GPHN: variants seen among roughly 807,000 people sequenced by gnomAD.
GPHN encodes the protein gephyrin.
Under a neutral mutation model 95.5 loss-of-function variants are expected in GPHN, and 17 were observed. The ratio of observed to expected loss-of-function variants is 0.18; its 90% CI spans 0.12 to 0.27. The LOEUF is 0.27. Among genes scored for constraint, GPHN ranks in the 10% least tolerant of loss-of-function variants. The pLI is 1.00. For synonymous variants in GPHN, 320 were observed against 322.5 expected, an observed-to-expected ratio of 0.99 and a Z score of 0.08; for missense variants, 660 against 978.1, an observed-to-expected ratio of 0.67 and a Z score of 4.34.
intron 5 of GPHN, among the ~76,000 whole-genome samples, chr14:66,897,007 A>C (rs1309616618): frequency 2.6e-5 from 4 of 152,172 alleles, no homozygotes; most frequent in African/African-American, 9.6e-5. Context: ...TGAAAATTTT[A>C]TATTTATATC....
the GPHN span, chr14:67,197,165 GT>G: frequency 6.6e-6 from 1 of 152,342 alleles, no homozygotes; most frequent in Non-Finnish European, 1.5e-5. Flanking sequence ...CTGGGCTCAA[GT>G]AAGCGGCCCA....
chr14:67,512,028 C>T, the GPHN span, among the ~76,000 whole-genome samples: 1 of 152,214 alleles, frequency 6.6e-6, no homozygotes, highest in Admixed American at 6.5e-5. Flanking sequence ...GAACCAAACA[C>T]CCTGGTACTG....
the GPHN span, among the ~76,000 whole-genome samples, chr14:67,203,966 C>G: frequency 6.6e-6 from 1 of 152,318 alleles, no homozygotes; most frequent in African/African-American, 2.4e-5. Flanking sequence ...CCCGCCTTGG[C>G]CTCCCAAAGT....
chr14:67,725,207 T>C, the GPHN span: 1 of 1,614,080 alleles, frequency 6.2e-7, no homozygotes, highest in Non-Finnish European at 8.5e-7. Flanking sequence ...AAATTGGACC[T>C]ATCCGACACC....
At chr14:66,740,690 A>C (rs1029951373) in intron 2 of GPHN, among the ~76,000 whole-genome samples, 5 of 152,308 alleles carry the variant, frequency 3.3e-5, no homozygotes, top group Middle Eastern at 6.8e-3. Flanking sequence ...TTTGGCTCTT[A>C]TAGATTCTTA....
chr14:67,638,058 A>C, the GPHN span, among the ~76,000 whole-genome samples: 107 of 152,232 alleles, frequency 7.0e-4, 1 homozygote, highest in Non-Finnish European at 1.1e-3. Flanking sequence ...GCCACAAGCC[A>C]GGTCTCTGAA....
At chr14:66,839,101 CA>C (rs1259519285) in intron 4 of GPHN, among the ~76,000 whole-genome samples, 1 of 152,150 alleles carries the variant, frequency 6.6e-6, no homozygotes, top group Non-Finnish European at 1.5e-5. Context: ...TTATTAATGG[CA>C]CATAGATGAG....
At chr14:67,393,358 A>G in the GPHN span, 2 of 764,682 alleles carry the variant, frequency 2.6e-6, no homozygotes, top group African/African-American at 3.4e-5. Flanking sequence ...GACACACATC[A>G]CAAAGAAAAG....
the GPHN span, among the ~76,000 whole-genome samples, chr14:67,317,747 C>T: frequency 6.6e-6 from 1 of 152,194 alleles, no homozygotes; most frequent in Non-Finnish European, 1.5e-5. Flanking sequence ...ATACTTCTAA[C>T]AAATTCTTAC....
chr14:67,118,621 G>C (rs1030267229), intron 16 of GPHN, among the ~76,000 whole-genome samples: 1 of 151,932 alleles, frequency 6.6e-6, no homozygotes, highest in Admixed American at 6.5e-5. Flanking sequence ...CCAGCTACTC[G>C]GGAGGCTGAG....
the GPHN span, among the ~76,000 whole-genome samples, chr14:67,496,571 A>G: frequency 1.3e-5 from 2 of 151,736 alleles, no homozygotes; most frequent in African/African-American, 4.9e-5. Flanking sequence ...CTGCTGGAAG[A>G]GAAGTAGACG....
chr14:66,766,851 A>G (rs2058977342), intron 2 of GPHN, among the ~76,000 whole-genome samples: 1 of 152,092 alleles, frequency 6.6e-6, no homozygotes, highest in African/African-American at 2.4e-5. Context: ...AAAAAATTTC[A>G]TTAATCTTGC....
the GPHN span, among the ~76,000 whole-genome samples, chr14:67,318,537 A>G: frequency 6.6e-6 from 1 of 152,250 alleles, no homozygotes; most frequent in African/African-American, 2.4e-5. Context: ...GAGTCTATAA[A>G]TTAAAATGCT....
At chr14:67,388,225 A>G in the GPHN span, 1 of 1,608,402 alleles carries the variant, frequency 6.2e-7, no homozygotes. Flanking sequence ...GTACCTTACC[A>G]GTGGGAACGC....
At chr14:67,617,278 T>TTTTTTG in the GPHN span, 11 of 152,230 alleles carry the variant, frequency 7.2e-5, no homozygotes, top group South Asian at 2.1e-4. Context: ...CACCCAGCCT[T>TTTTTTG]TTTTTGTTTT....
At chr14:67,361,730 C>T in the GPHN span, among the ~76,000 whole-genome samples, 1 of 152,148 alleles carries the variant, frequency 6.6e-6, no homozygotes, top group African/African-American at 2.4e-5. Context: ...GTGGCTGATA[C>T]TTTTTACATC....
At chr14:66,956,880 C>T (rs1161624450) in intron 8 of GPHN, among the ~76,000 whole-genome samples, 145 of 146,398 alleles carry the variant, frequency 9.9e-4, no homozygotes, top group Non-Finnish European at 1.8e-3. Flanking sequence ...AACCAAACAC[C>T]GCATATTCTC....
At chr14:67,043,024 T>C (rs1383847386) in intron 10 of GPHN, among the ~76,000 whole-genome samples, 1 of 152,204 alleles carries the variant, frequency 6.6e-6, no homozygotes, top group East Asian at 1.9e-4. Flanking sequence ...ATGATTTGGC[T>C]CTCTGTTTGT....
At chr14:66,554,314 C>T (rs1309084457) in intron 1 of GPHN, among the ~76,000 whole-genome samples, 1 of 152,146 alleles carries the variant, frequency 6.6e-6, no homozygotes, top group Non-Finnish European at 1.5e-5. Context: ...GTATAAGTGG[C>T]AGTGGATTAC....
Sources: gnomAD v4.1 joint callset for allele counts (sites outside exome capture counted in the v4.1 genomes callset) on GRCh38, gnomAD v4.1.1 for gene constraint, MANE v1.5 for transcripts, NCBI Gene and HGNC (gene_info 2026-07-23, HGNC 2026-07-21) for gene names.